DMD: variants seen among roughly 807,000 people sequenced by gnomAD.
DMD encodes the protein dystrophin.
A neutral mutation model predicts 330.1 loss-of-function variants in DMD; 63 were observed. That is an observed-to-expected ratio of 0.19 (90% CI 0.16 to 0.24). The LOEUF (loss-of-function observed/expected upper bound fraction) is 0.24, where lower values mean the gene tolerates loss of function less well. DMD is among the 10% of genes least tolerant of loss of function. DMD has a pLI of 1.00. For synonymous variants in DMD, 1,223 were observed against 959.8 expected (o/e 1.27, Z -5.07); for missense variants, 3,344 against 2,684.1 (o/e 1.25, Z -5.43).
intron 44 of DMD, among the ~76,000 whole-genome samples, chrX:32,017,304 C>T (rs1006406390): frequency 1.8e-5 from 2 of 111,641 alleles, no homozygotes; most frequent in Non-Finnish European, 3.8e-5. Flanking sequence ...CAAAAAGGGG[C>T]CAAGGTAAGG....
intron 60 of DMD, among the ~76,000 whole-genome samples, chrX:31,415,769 C>T (rs1029023484): frequency 9.0e-6 from 1 of 110,899 alleles, no homozygotes; most frequent in Non-Finnish European, 1.9e-5. Flanking sequence ...CAAACTTCAC[C>T]GCACTTTGTA....
At chrX:31,701,436 G>A (rs1477658457) in intron 52 of DMD, among the ~76,000 whole-genome samples, 1 of 111,817 alleles carries the variant, frequency 8.9e-6, no homozygotes, top group East Asian at 2.8e-4. Flanking sequence ...GAACTTTTCT[G>A]TATTTCAATT....
chrX:33,078,792 A>G (rs2094882256), intron 1 of DMD, among the ~76,000 whole-genome samples: 1 of 112,148 alleles, frequency 8.9e-6, no homozygotes, highest in African/African-American at 3.2e-5. Context: ...CGTGGCACAC[A>G]ACAATTTTAC....
At chrX:32,615,692 G>C (rs2057508434) in intron 11 of DMD, among the ~76,000 whole-genome samples, 1 of 111,189 alleles carries the variant, frequency 9.0e-6, no homozygotes, top group African/African-American at 3.3e-5. Context: ...TGCACACATA[G>C]CTGAGAGTGT....
intron 45 of DMD, among the ~76,000 whole-genome samples, chrX:31,935,635 T>C: frequency 9.0e-6 from 1 of 111,622 alleles, no homozygotes; most frequent in Admixed American, 9.6e-5. Context: ...TCCAGATGAT[T>C]TTGCACAGTG....
chrX:32,029,111 G>A (rs1264460121), intron 44 of DMD, among the ~76,000 whole-genome samples: 1 of 111,071 alleles, frequency 9.0e-6, no homozygotes, highest in Admixed American at 9.6e-5. Flanking sequence ...CAGAGATCAA[G>A]CAGGTGGGAA....
intron 55 of DMD, among the ~76,000 whole-genome samples, chrX:31,601,644 A>G (rs1044570390): frequency 8.9e-6 from 1 of 112,163 alleles, no homozygotes; most frequent in African/African-American, 3.2e-5. Flanking sequence ...TTAAGAATTT[A>G]TGTTTTTATG....
chrX:31,601,113 A>G (rs777089497), intron 55 of DMD, among the ~76,000 whole-genome samples: 102 of 112,078 alleles, frequency 9.1e-4, no homozygotes, highest in African/African-American at 3.2e-3. Context: ...TACTATGTTA[A>G]TGGGCATGAA....
chrX:32,568,341 G>A (rs1444676833), intron 15 of DMD, among the ~76,000 whole-genome samples: 6 of 110,160 alleles, frequency 5.4e-5, no homozygotes, highest in Admixed American at 9.7e-5. Flanking sequence ...AACCTCGTCT[G>A]TACTAAAAAT....
In DMD at chrX:33,009,123, CGT is replaced by C. The variant is rs200117565; in HGVS notation, c.93+11014_93+11015del. Among the ~76,000 whole-genome samples the C allele has an allele frequency of 2.3e-3, 50 of 21,290 alleles. 6 individuals carry two copies. The highest frequency in any genetic ancestry group is 7.4e-3 in the African/African-American group (34 of 4,584). The allele number at this position is 21,290 out of a possible 115,157, so 18.5% of individuals were successfully genotyped here. A position where few individuals can be genotyped will look rare whatever the true frequency, so the allele number is the denominator to read the frequency against. ...ATATGTATATATATGTGTATATATA[CGT>C]ATATATGTATATATATGTGTATATA... On this transcript the variant is annotated intron_variant, in intron 2 of 78. Transcript: ENST00000357033.
chrX:32,735,988 A>C (rs189644895), intron 7 of DMD, among the ~76,000 whole-genome samples: 6,098 of 111,332 alleles, frequency 0.055, 210 homozygotes, highest in Non-Finnish European at 0.088. Flanking sequence ...CAACCTACAA[A>C]ATGGGAGAAA....
chrX:31,201,183 A>ACG (rs1462985398), intron 67 of DMD, among the ~76,000 whole-genome samples: 5 of 108,623 alleles, frequency 4.6e-5, no homozygotes, highest in Admixed American at 4.0e-4. Context: ...ACACACACAC[A>ACG]CACACACACA....
At chrX:32,539,680 C>A (rs777128898) in intron 17 of DMD, among the ~76,000 whole-genome samples, 5 of 111,616 alleles carry the variant, frequency 4.5e-5, no homozygotes, top group African/African-American at 1.6e-4. Flanking sequence ...AACTGCAGAG[C>A]GGTCTTATCT....
At chrX:32,470,530 G>T (rs915374855) in intron 22 of DMD, among the ~76,000 whole-genome samples, 1 of 110,422 alleles carries the variant, frequency 9.1e-6, no homozygotes, top group African/African-American at 3.3e-5. Flanking sequence ...TTTTTCAGTG[G>T]AAATAGTCTC....
chrX:31,272,657 T>TA (rs2051742954), intron 62 of DMD, among the ~76,000 whole-genome samples: 2 of 112,269 alleles, frequency 1.8e-5, no homozygotes, highest in East Asian at 5.6e-4. Flanking sequence ...CACATTTTTG[T>TA]AAAAAAATCA....
chrX:32,274,406 A>T (rs994406274), intron 43 of DMD, among the ~76,000 whole-genome samples: 3 of 112,120 alleles, frequency 2.7e-5, no homozygotes, highest in Non-Finnish European at 5.6e-5. Flanking sequence ...GAAAGTTTTA[A>T]ACTAACCTCT....
chrX:32,736,860 T>A (rs1324883850), intron 7 of DMD, among the ~76,000 whole-genome samples: 4 of 110,095 alleles, frequency 3.6e-5, no homozygotes, highest in African/African-American at 1.3e-4. Context: ...GGCACATGTA[T>A]ACGTATGTAA....
intron 1 of DMD, among the ~76,000 whole-genome samples, chrX:33,082,865 G>A (rs1314702374): frequency 8.9e-6 from 1 of 111,938 alleles, no homozygotes; most frequent in Non-Finnish European, 1.9e-5. Context: ...CAGACTTATG[G>A]GTGTCCTAAC....
chrX:31,496,952 A>G lies in DMD; in HGVS notation c.8391-8T>C, dbSNP rs2147076951. The G allele has an allele frequency of 2.5e-6, 3 of 1,204,506 alleles. No individual in the cohort carries two copies. The highest frequency in any genetic ancestry group is 3.4e-6 in the Non-Finnish European group (3 of 891,152). ...CTGGCTTCCAAATGGGACCTGAAAA[A>G]GAACAGCAGCGTACCATGTCAGAAT... On this transcript the variant is annotated splice_region_variant and splice_polypyrimidine_tract_variant and intron_variant, in intron 56 of 78. Transcript: ENST00000357033.
Sources: gnomAD v4.1 joint callset for allele counts (sites outside exome capture counted in the v4.1 genomes callset) on GRCh38, gnomAD v4.1.1 for gene constraint, MANE v1.5 for transcripts, NCBI Gene and HGNC (gene_info 2026-07-23, HGNC 2026-07-21) for gene names.